ARHGAP20: variants seen among roughly 807,000 people sequenced by gnomAD.
ARHGAP20 encodes Rho GTPase activating protein 20, also known as rho GTPase-activating protein 20.
Under a neutral mutation model 73.7 loss-of-function variants are expected in ARHGAP20, and 34 were observed. The ratio of observed to expected loss-of-function variants is 0.46; its 90% confidence interval spans 0.35 to 0.61. The LOEUF is 0.61. Among genes scored for constraint, ARHGAP20 ranks in the 20% least tolerant of loss-of-function variants. The probability of loss-of-function intolerance (pLI) is 0.00; values close to 1 mark genes in which losing one functional copy is unlikely to be tolerated. For missense variants in ARHGAP20, 1,314 were observed against 1,420.9 expected (o/e 0.92, Z 1.21); for synonymous variants, 523 against 518.2 (o/e 1.01, Z -0.13).
chr11:110,657,999 G>T (rs1433675524), intron 2 of ARHGAP20, among the ~76,000 whole-genome samples: 2 of 151,846 alleles, frequency 1.3e-5, no homozygotes, highest in African/African-American at 4.8e-5. Flanking sequence ...GTATGGGGAG[G>T]AAGTTCCAGA....
intron 2 of ARHGAP20, among the ~76,000 whole-genome samples, chr11:110,671,461 C>G (rs1398435647): frequency 6.6e-6 from 1 of 152,072 alleles, no homozygotes; most frequent in Non-Finnish European, 1.5e-5. Context: ...TACGTCTGCT[C>G]TTACCACTTT....
intron 2 of ARHGAP20, among the ~76,000 whole-genome samples, chr11:110,675,643 G>C (rs1949915057): frequency 6.6e-6 from 1 of 152,118 alleles, no homozygotes; most frequent in Non-Finnish European, 1.5e-5. Flanking sequence ...GAGAATCTAG[G>C]TGGTAGGTAA....
At chr11:110,700,849 T>C (rs1950434646) in intron 1 of ARHGAP20, among the ~76,000 whole-genome samples, 2 of 151,356 alleles carry the variant, frequency 1.3e-5, no homozygotes, top group Middle Eastern at 3.2e-3. Context: ...GTTTGGTTTT[T>C]TGTTCTTGCA....
At chr11:110,628,713 C>T (rs963619203) in intron 3 of ARHGAP20, among the ~76,000 whole-genome samples, 2 of 152,016 alleles carry the variant, frequency 1.3e-5, no homozygotes, top group Non-Finnish European at 2.9e-5. Context: ...GAATTTTTTT[C>T]ACTTCACGAA....
chr11:110,676,054 A>G (rs1333253977), intron 2 of ARHGAP20, among the ~76,000 whole-genome samples: 1 of 152,226 alleles, frequency 6.6e-6, no homozygotes, highest in Admixed American at 6.5e-5. Context: ...AAATAAAAAT[A>G]TATGGTATTA....
At position 110,614,621 on chromosome 11, in the gene ARHGAP20, C is replaced by G. The variant is rs752568889; in HGVS notation, c.570G>C (p.Lys190Asn). Residue 190 changes from lysine (K) to asparagine (N), a missense_variant, in exon 6 of 15, where the codon AAG (lysine) becomes AAC (asparagine). Physicochemically the swap from Lys to Asn is moderately conservative, Grantham distance 94. Transcript: ENST00000683387. ...TGAGGGGAATGCTCTTCGGGTAGTC[C>G]TTTTCTTTCTCTAGATTGATGTATC... ...LQRYINLEKEKDYPKSIPLKI... is the reference protein window; with the variant it reads ...LQRYINLEKENDYPKSIPLKI... 7.4e-6 allele frequency: 12 copies of G among 1,612,122 alleles called. No individual in the cohort carries two copies. Among genetic ancestry groups the G allele is most frequent in the Non-Finnish European group, 1.0e-5 (12 of 1,179,144 alleles).
intron 12 of ARHGAP20, among the ~76,000 whole-genome samples, chr11:110,585,520 C>G (rs1947639503): frequency 6.6e-6 from 1 of 152,076 alleles, no homozygotes; most frequent in Admixed American, 6.6e-5. Flanking sequence ...CAAGCAAATG[C>G]AAGTAAATAA....
At chr11:110,683,184 T>C (rs1950069121) in intron 2 of ARHGAP20, among the ~76,000 whole-genome samples, 1 of 152,092 alleles carries the variant, frequency 6.6e-6, no homozygotes, top group Non-Finnish European at 1.5e-5. Context: ...AAATAATACA[T>C]TTTTGAAGGG....
At chr11:110,626,877 C>G (rs758350447) in intron 3 of ARHGAP20, among the ~76,000 whole-genome samples, 42 of 151,950 alleles carry the variant, frequency 2.8e-4, no homozygotes, top group Non-Finnish European at 5.4e-4. Flanking sequence ...TCCAATAAAG[C>G]TTTATATTAA....
At chr11:110,669,554 T>A (rs1949788643) in intron 2 of ARHGAP20, among the ~76,000 whole-genome samples, 1 of 151,552 alleles carries the variant, frequency 6.6e-6, no homozygotes, top group African/African-American at 2.4e-5. Context: ...ACTAAGCTCA[T>A]GAAAAGATGC....
intron 2 of ARHGAP20, among the ~76,000 whole-genome samples, chr11:110,682,015 T>C (rs1448159148): frequency 2.6e-5 from 4 of 152,160 alleles, no homozygotes; most frequent in East Asian, 1.9e-4. Flanking sequence ...AACCTCTACA[T>C]AGGGAGAACT....
chr11:110,676,107 G>C (rs936219559), intron 2 of ARHGAP20, among the ~76,000 whole-genome samples: 2 of 152,302 alleles, frequency 1.3e-5, no homozygotes, highest in South Asian at 4.1e-4. Flanking sequence ...CTTCATGTTA[G>C]AAGTTTAAAC....
intron 12 of ARHGAP20, among the ~76,000 whole-genome samples, chr11:110,585,140 T>C (rs1396620014): frequency 4.0e-5 from 6 of 151,658 alleles, no homozygotes; most frequent in Non-Finnish European, 5.9e-5. Flanking sequence ...TGAATGTATA[T>C]ATGAATATAT....
intron 1 of ARHGAP20, among the ~76,000 whole-genome samples, chr11:110,696,124 T>C (rs551096058): frequency 6.6e-6 from 1 of 151,304 alleles, no homozygotes; most frequent in East Asian, 1.9e-4. Context: ...AGCAAATCTA[T>C]AGAGACTTAA....
At chr11:110,664,414 T>C (rs1237786119) in intron 2 of ARHGAP20, among the ~76,000 whole-genome samples, 1 of 152,034 alleles carries the variant, frequency 6.6e-6, no homozygotes, top group Non-Finnish European at 1.5e-5. Context: ...TTTCTACATA[T>C]AGACAACACA....
chr11:110,678,944 G>A (rs1410828755), intron 2 of ARHGAP20, among the ~76,000 whole-genome samples: 1 of 152,158 alleles, frequency 6.6e-6, no homozygotes, highest in Non-Finnish European at 1.5e-5. Flanking sequence ...TAGATTACAG[G>A]CATGAGCCAC....
chr11:110,712,154 C>T lies in ARHGAP20; in HGVS notation c.78G>A (p.Arg26=). ...TCTTGGTGCAGCTGCCTCCCGCGAG[C>T]CGAGACACTCCTGTCAGGGAAGAGG... ...GRSSSLTGVS[R]LAGGSCTKKK... is the part of the protein sequence containing the mutation. The change falls in exon 1 of 15, where the codon CGG becomes CGA. Residue 26 remains arginine, a synonymous_variant. Coordinates refer to ENST00000683387, the MANE Select transcript of ARHGAP20 (RefSeq NM_001384657.1). The T allele has an allele frequency of 7.3e-7, 1 of 1,364,896 alleles. No homozygotes were observed. Among genetic ancestry groups the T allele is most frequent in the Admixed American group, 2.9e-5 (1 of 33,922 alleles). The allele number at this position is 1,364,896 out of a possible 1,614,324, so 84.5% of individuals were successfully genotyped here. A position where few individuals can be genotyped will look rare whatever the true frequency, so the allele number is the denominator to read the frequency against.
chr11:110,650,170 T>C (rs1949317827), intron 2 of ARHGAP20, among the ~76,000 whole-genome samples: 7 of 152,154 alleles, frequency 4.6e-5, no homozygotes, highest in Admixed American at 3.9e-4. Context: ...CTATATGCCA[T>C]GTTTCCCCAG....
At chr11:110,614,242 A>G (rs1948434055) in intron 6 of ARHGAP20, among the ~76,000 whole-genome samples, 1 of 152,222 alleles carries the variant, frequency 6.6e-6, no homozygotes, top group Non-Finnish European at 1.5e-5. Context: ...TGCTATTGAA[A>G]GGATTCAGAG....
Sources: allele counts gnomAD v4.1 joint callset (sites outside exome capture counted in the v4.1 genomes callset), GRCh38; gene constraint gnomAD v4.1.1; transcripts MANE v1.5; gene names NCBI Gene and HGNC (gene_info 2026-07-23, HGNC 2026-07-21).